PTPN13: variants seen among roughly 807,000 people sequenced by gnomAD.
PTPN13 encodes the protein tyrosine-protein phosphatase non-receptor type 13.
In PTPN13, 191 loss-of-function variants were observed where a neutral mutation model predicts 284.0. The ratio of observed to expected loss-of-function variants is 0.67; its 90% CI spans 0.60 to 0.76. PTPN13 has a LOEUF of 0.76. Ranked by LOEUF, PTPN13 falls within the 30% of genes least tolerant of loss-of-function variation. The pLI, the probability that PTPN13 is intolerant of heterozygous loss-of-function variation, is 0.00. For synonymous variants in PTPN13, 986 were observed against 1,022.3 expected (o/e 0.96, Z 0.68); for missense variants, 2,797 against 2,939.9 (o/e 0.95, Z 1.12).
intron 2 of PTPN13, among the ~76,000 whole-genome samples, chr4:86,639,932 G>GT (rs1723571716): frequency 6.6e-6 from 1 of 152,144 alleles, no homozygotes; most frequent in Admixed American, 6.6e-5. Context: ...CAAGGACATT[G>GT]TGATGCATGC....
rs1382088716 is a variant in PTPN13, at chr4:86,771,551, T to C, written c.5168+16T>C. ...TTGAGGACAGGTATCATCAATATAA[T>C]GTGAACCGCTCAAAGCAACTGGTTG... On this transcript the variant is annotated intron_variant, in intron 31 of 47. Transcript: ENST00000411767. 1.3e-6 allele frequency: 2 copies of C among 1,546,718 alleles called. No homozygotes were observed. Among genetic ancestry groups the C allele is most frequent in the African/African-American group, 1.4e-5 (1 of 73,538 alleles).
chr4:86,807,958 G>T lies in PTPN13; in HGVS notation c.7083+61G>T, dbSNP rs1174355755. On this transcript the variant is annotated intron_variant, in intron 45 of 47. Transcript: ENST00000411767. ...ATCTCCTAGTTGTAATCCAAGCCTG[G>T]ACTCTTTCCGTGATTGCACCAATGT... is the stretch of plus-strand genomic sequence containing the variant. The T allele has an allele frequency of 2.9e-6, 4 of 1,398,410 alleles. No homozygotes were observed. The Admixed American group carries it at 8.9e-5, about 31-fold the overall frequency. The allele number at this position is 1,398,410 out of a possible 1,614,324, so 86.6% of individuals were successfully genotyped here. A position where few individuals can be genotyped will look rare whatever the true frequency, so the allele number is the denominator to read the frequency against.
At chr4:86,751,958 C>CAT (rs1737439445) in intron 19 of PTPN13, among the ~76,000 whole-genome samples, 1 of 151,490 alleles carries the variant, frequency 6.6e-6, no homozygotes, top group Non-Finnish European at 1.5e-5. Context: ...TGCACATGTG[C>CAT]ATATATATCT....
chr4:86,699,383 C>T (rs1017304234), intron 6 of PTPN13, among the ~76,000 whole-genome samples: 1 of 151,550 alleles, frequency 6.6e-6, no homozygotes, highest in South Asian at 2.1e-4. Context: ...GAGACTCTAT[C>T]CCCCCTCCAA....
chr4:86,639,140 C>G (rs1723428618), intron 2 of PTPN13, among the ~76,000 whole-genome samples: 2 of 151,658 alleles, frequency 1.3e-5, no homozygotes, highest in African/African-American at 2.4e-5. Flanking sequence ...CCATCTCACA[C>G]CAGTTAGAAT....
intron 32 of PTPN13, 28 bp downstream of exon 32, chr4:86,772,986 A>C (rs200057867): frequency 1.0e-4 from 149 of 1,445,842 alleles, no homozygotes; most frequent in South Asian, 8.7e-4. Context: ...TATTTAAAAA[A>C]AAATCCATAT....
At chr4:86,754,871 C>T (rs1182255117) in intron 20 of PTPN13, among the ~76,000 whole-genome samples, 1 of 151,992 alleles carries the variant, frequency 6.6e-6, no homozygotes, top group Non-Finnish European at 1.5e-5. Context: ...GCCAATCCAC[C>T]TTCATATAGA....
chr4:86,616,800 A>G (rs1416293457), intron 1 of PTPN13, among the ~76,000 whole-genome samples: 3 of 152,172 alleles, frequency 2.0e-5, no homozygotes, highest in African/African-American at 7.2e-5. Context: ...CCATGAGTCA[A>G]TTAAACCTCT....
chr4:86,687,126 G>C (rs1459192782), intron 4 of PTPN13, among the ~76,000 whole-genome samples: 3 of 152,148 alleles, frequency 2.0e-5, no homozygotes, highest in Non-Finnish European at 2.9e-5. Context: ...AAAATCTCTT[G>C]TCTTTGATGA....
Position 86,807,852 on chromosome 4 carries a change from G to T in PTPN13, c.7038G>T (p.Gln2346His), listed in dbSNP as rs774108285. 7.4e-6 allele frequency: 12 copies of T among 1,614,006 alleles called. No individual in the cohort carries two copies. The highest frequency in any genetic ancestry group is 1.0e-5 in the Non-Finnish European group (12 of 1,179,876). Residue 2346 changes from glutamine (Q) to histidine (H), a missense_variant, in exon 45 of 48, where the codon CAG becomes CAT. Physicochemically the swap from Gln to His is conservative, Grantham distance 24. Coordinates refer to ENST00000411767, the MANE Select transcript of PTPN13 (RefSeq NM_080683.3). ...RLRLALVRMQ[Q>H]LKGFVVRAMT... is the part of the protein sequence containing the mutation. ...GACTGGCTCTTGTGAGAATGCAGCA[G>T]CTGAAGGGCTTTGTGGTGAGGGCAA...
intron 45 of PTPN13, among the ~76,000 whole-genome samples, chr4:86,808,634 C>G (rs1014014592): frequency 1.3e-5 from 2 of 152,162 alleles, no homozygotes; most frequent in South Asian, 4.1e-4. Context: ...ATTTTTGATT[C>G]ATGATTTTTT....
Position 86,745,032 on chromosome 4 carries a change from A to G in PTPN13, c.2554A>G (p.Lys852Glu). 6.2e-7 allele frequency: 1 copy of G among 1,607,832 alleles called. No individual in the cohort carries two copies. Among genetic ancestry groups the G allele is most frequent in the Non-Finnish European group, 8.5e-7 (1 of 1,176,874 alleles). ...IKHGFQTDNS[K>E]ICQYLLHLCS... ...ACATGGCTTCCAGACAGACAACAGT[A>G]AGATATGCCAGTACCTGCTGCACCT... The change falls in exon 17 of 48, where the codon AAG becomes GAG. Residue 852 changes from lysine (K) to glutamate (E), a missense_variant. Transcript: ENST00000411767.
chr4:86,599,181 T>A (rs1487904778), intron 1 of PTPN13, among the ~76,000 whole-genome samples: 1 of 152,216 alleles, frequency 6.6e-6, no homozygotes, highest in Admixed American at 6.5e-5. Flanking sequence ...ATAGTCAACT[T>A]TGGAACCAAT....
At chr4:86,809,678 G>A (rs9991627) in intron 45 of PTPN13, 91 bp from the exon 46 acceptor site, 35,448 of 1,218,826 alleles carry the variant, frequency 0.029, 627 homozygotes, top group Non-Finnish European at 0.035. Flanking sequence ...ACAACAGAAC[G>A]AGACCCTATC....
chr4:86,626,396 G>T (rs531738585), intron 1 of PTPN13, among the ~76,000 whole-genome samples: 1 of 152,206 alleles, frequency 6.6e-6, no homozygotes, highest in African/African-American at 2.4e-5. Flanking sequence ...GATACATGCT[G>T]TTTCTACCTT....
intron 10 of PTPN13, among the ~76,000 whole-genome samples, chr4:86,730,327 T>C (rs1008515093): frequency 6.7e-6 from 1 of 149,944 alleles, no homozygotes; most frequent in Non-Finnish European, 1.5e-5. Flanking sequence ...GGAGAACCAC[T>C]GCTCTCTTCA....
chr4:86,747,632 A>G (rs942911195), intron 17 of PTPN13, among the ~76,000 whole-genome samples: 2 of 152,166 alleles, frequency 1.3e-5, no homozygotes, highest in Non-Finnish European at 2.9e-5. Context: ...GTGACTTTTT[A>G]GAATCTCAGT....
chr4:86,713,318 A>G lies in PTPN13; in HGVS notation c.1196-3212A>G, dbSNP rs1366325262. Among the ~76,000 whole-genome samples, 3 of 152,142 alleles carry G rather than the reference A, an allele frequency of 2.0e-5. No homozygotes were observed. In the East Asian group the frequency reaches 5.8e-4, roughly 29 times the overall value. On this transcript the variant is annotated intron_variant, in intron 7 of 47. Coordinates refer to ENST00000411767, the MANE Select transcript of PTPN13 (RefSeq NM_080683.3). ...TGAGGATTCTGTAACAATAAAACAA[A>G]TGTACTTTGGTGTTCCTTGAAAATG...
At chr4:86,735,839 G>A (rs10024860) in intron 15 of PTPN13, 93 bp downstream of exon 15, 124,307 of 1,129,892 alleles carry the variant, frequency 0.11, 7,645 homozygotes, top group African/African-American at 0.21. Flanking sequence ...TCAAGTGCCA[G>A]TAACTGATAC....
Sources: gnomAD v4.1 joint callset for allele counts (sites outside exome capture counted in the v4.1 genomes callset) on GRCh38, gnomAD v4.1.1 for gene constraint, MANE v1.5 for transcripts, NCBI Gene and HGNC (gene_info 2026-07-23, HGNC 2026-07-21) for gene names.